GPC5: variants seen among roughly 807,000 people sequenced by gnomAD.
The protein encoded by GPC5 is glypican 5.
Under a neutral mutation model 53.9 loss-of-function variants are expected in GPC5, and 47 were observed. That is an observed-to-expected ratio of 0.87 (90% confidence interval 0.69 to 1.11). The LOEUF (loss-of-function observed/expected upper bound fraction) is 1.11. Among genes scored for constraint, GPC5 ranks in the 50% most tolerant of loss-of-function variants. The probability of loss-of-function intolerance (pLI) is 0.00; values close to 1 mark genes in which losing one functional copy is unlikely to be tolerated. For missense variants in GPC5, 748 were observed against 713.1 expected, an observed-to-expected ratio of 1.05 and a Z score of -0.56; for synonymous variants, 286 against 263.3, an observed-to-expected ratio of 1.09 and a Z score of -0.84.
chr13:92,677,298 T>G (rs188678744), intron 7 of GPC5, among the ~76,000 whole-genome samples: 1 of 152,296 alleles, frequency 6.6e-6, no homozygotes, highest in African/African-American at 2.4e-5. Flanking sequence ...TTTATTTATG[T>G]CACAAAAGAC....
intron 7 of GPC5, among the ~76,000 whole-genome samples, chr13:92,459,079 C>T (rs912524916): frequency 6.6e-6 from 1 of 152,018 alleles, no homozygotes; most frequent in Non-Finnish European, 1.5e-5. Context: ...CTTTGTTAGT[C>T]CAGATGAAAT....
chr13:92,406,608 G>T (rs1875807452), intron 7 of GPC5, among the ~76,000 whole-genome samples: 2 of 152,014 alleles, frequency 1.3e-5, no homozygotes, highest in African/African-American at 4.8e-5. Flanking sequence ...ACACATAGAG[G>T]CCCCCTCACA....
intron 7 of GPC5, among the ~76,000 whole-genome samples, chr13:92,623,262 A>G (rs1884935027): frequency 6.6e-6 from 1 of 152,188 alleles, no homozygotes; most frequent in African/African-American, 2.4e-5. Context: ...GTTGTCAGTA[A>G]AAGAGTGAAG....
At chr13:92,188,412 C>T (rs1401306884) in intron 7 of GPC5, among the ~76,000 whole-genome samples, 1 of 152,028 alleles carries the variant, frequency 6.6e-6, no homozygotes, top group Non-Finnish European at 1.5e-5. Context: ...AAAATTGCAT[C>T]TTACAAGAGA....
At chr13:91,618,577 C>A (rs2033763266) in intron 2 of GPC5, among the ~76,000 whole-genome samples, 1 of 152,054 alleles carries the variant, frequency 6.6e-6, no homozygotes, top group African/African-American at 2.4e-5. Flanking sequence ...GTGTTAGTTA[C>A]CCAGAGGTTT....
At chr13:91,782,420 G>T (rs1279203871) in intron 5 of GPC5, among the ~76,000 whole-genome samples, 1 of 152,148 alleles carries the variant, frequency 6.6e-6, no homozygotes, top group South Asian at 2.1e-4. Context: ...GGTGGAAGGT[G>T]AAAGGGAAGC....
intron 6 of GPC5, among the ~76,000 whole-genome samples, chr13:92,094,784 A>G (rs952814326): frequency 3.3e-5 from 5 of 151,632 alleles, no homozygotes; most frequent in African/African-American, 1.2e-4. Flanking sequence ...AAATTCTGTT[A>G]TTTTATTCCA....
chr13:91,427,069 T>A (rs1327156698), intron 1 of GPC5, among the ~76,000 whole-genome samples: 1 of 152,172 alleles, frequency 6.6e-6, no homozygotes, highest in Non-Finnish European at 1.5e-5. Context: ...TGCCTGGATG[T>A]CCAGGCAGAA....
intron 7 of GPC5, among the ~76,000 whole-genome samples, chr13:92,645,245 C>G (rs1885729798): frequency 6.6e-6 from 1 of 151,992 alleles, no homozygotes; most frequent in African/African-American, 2.4e-5. Context: ...TTCCAGGTTC[C>G]AGTGATTCTC....
At chr13:92,526,228 G>A (rs1192174427) in intron 7 of GPC5, among the ~76,000 whole-genome samples, 1 of 152,104 alleles carries the variant, frequency 6.6e-6, no homozygotes, top group Non-Finnish European at 1.5e-5. Context: ...TTGCAAGAAA[G>A]TGGAAGGTAA....
At chr13:91,838,529 T>C (rs539703002) in intron 5 of GPC5, among the ~76,000 whole-genome samples, 2 of 151,848 alleles carry the variant, frequency 1.3e-5, no homozygotes, top group African/African-American at 4.8e-5. Flanking sequence ...ATGTAAATGT[T>C]AAAATCAAGG....
chr13:91,499,815 C>G (rs941720172), intron 2 of GPC5, among the ~76,000 whole-genome samples: 17 of 152,188 alleles, frequency 1.1e-4, no homozygotes, highest in African/African-American at 4.1e-4. Context: ...CAATCTAAAA[C>G]AGATACATGG....
intron 7 of GPC5, among the ~76,000 whole-genome samples, chr13:92,508,296 AT>A (rs1880446414): frequency 6.6e-6 from 1 of 152,174 alleles, no homozygotes; most frequent in African/African-American, 2.4e-5. Flanking sequence ...ATTAGCATTC[AT>A]TTGTAAATCA....
At chr13:92,155,074 A>T (rs2041933930) in intron 7 of GPC5, among the ~76,000 whole-genome samples, 1 of 152,186 alleles carries the variant, frequency 6.6e-6, no homozygotes, top group African/African-American at 2.4e-5. Context: ...TATTGTAACT[A>T]TATAATGCTC....
intron 6 of GPC5, among the ~76,000 whole-genome samples, chr13:92,131,774 T>C (rs1284980218): frequency 6.6e-6 from 1 of 152,002 alleles, no homozygotes; most frequent in Non-Finnish European, 1.5e-5. Context: ...TCCATGTATA[T>C]GAACCTATGT....
chr13:92,042,242 C>G (rs1052653420), intron 6 of GPC5, among the ~76,000 whole-genome samples: 8 of 152,112 alleles, frequency 5.3e-5, no homozygotes, highest in Non-Finnish European at 1.2e-4. Flanking sequence ...AGGTTTTTGG[C>G]TACAAGCTGG....
At chr13:91,786,785 G>A (rs2138735894) in intron 5 of GPC5, among the ~76,000 whole-genome samples, 1 of 152,156 alleles carries the variant, frequency 6.6e-6, no homozygotes, top group Middle Eastern at 3.4e-3. Context: ...TTATTCTGTT[G>A]CTTGGGGGAG....
chr13:92,796,463 A>G (rs1436935268), intron 7 of GPC5, among the ~76,000 whole-genome samples: 13 of 152,040 alleles, frequency 8.6e-5, no homozygotes, highest in African/African-American at 3.1e-4. Flanking sequence ...ACACCTATGT[A>G]ACCTGCACAT....
intron 5 of GPC5, among the ~76,000 whole-genome samples, chr13:91,901,858 T>A (rs555262512): frequency 3.9e-5 from 6 of 151,996 alleles, no homozygotes; most frequent in Non-Finnish European, 8.8e-5. Flanking sequence ...TCCAGCCACA[T>A]AACCAGGTCA....
Sources: allele counts gnomAD v4.1 joint callset (sites outside exome capture counted in the v4.1 genomes callset), GRCh38; gene constraint gnomAD v4.1.1; transcripts MANE v1.5; gene names NCBI Gene and HGNC (gene_info 2026-07-23, HGNC 2026-07-21).